Variants in PADI2 observed in about 807,000 individuals in gnomAD.
The protein encoded by PADI2 is protein-arginine deiminase type-2.
Under a neutral mutation model 81.1 loss-of-function variants are expected in PADI2, and 70 were observed. That is an observed-to-expected ratio of 0.86 (90% CI 0.71 to 1.05). PADI2 has a LOEUF of 1.05. Ranked by LOEUF, PADI2 falls within the 50% of genes least tolerant of loss-of-function variation. The probability of loss-of-function intolerance (pLI) is 0.00; values close to 1 mark genes in which losing one functional copy is unlikely to be tolerated. For missense variants in PADI2, 853 were observed against 889.9 expected (o/e 0.96, Z 0.53); for synonymous variants, 338 against 358.0 (o/e 0.94, Z 0.63).
intron 1 of PADI2, among the ~76,000 whole-genome samples, chr1:17,116,112 C>T (rs1002397266): frequency 1.3e-5 from 2 of 152,218 alleles, no homozygotes; most frequent in African/African-American, 2.4e-5. Flanking sequence ...GTTCTCTGAT[C>T]GACCCCCATT....
chr1:17,096,898 G>A (rs370359859), intron 3 of PADI2, among the ~76,000 whole-genome samples: 1 of 152,212 alleles, frequency 6.6e-6, no homozygotes, highest in African/African-American at 2.4e-5. Context: ...AACTCTTTGT[G>A]TGGGGGCAGC....
At chr1:17,089,586 G>T (rs1249076989) in intron 6 of PADI2, among the ~76,000 whole-genome samples, 1 of 152,168 alleles carries the variant, frequency 6.6e-6, no homozygotes, top group African/African-American at 2.4e-5. Context: ...CTCCCGATGT[G>T]GCCCGTGGCC....
chr1:17,072,449 G>T (rs972566059), intron 13 of PADI2, among the ~76,000 whole-genome samples: 4 of 152,156 alleles, frequency 2.6e-5, no homozygotes, highest in African/African-American at 9.7e-5. Flanking sequence ...TTTCTGGAGG[G>T]CAAGTCTGTA....
intron 13 of PADI2, among the ~76,000 whole-genome samples, chr1:17,073,108 G>A (rs2078275838): frequency 6.6e-6 from 1 of 152,118 alleles, no homozygotes; most frequent in Admixed American, 6.6e-5. Flanking sequence ...AACCTGAAAA[G>A]TGACAAAAGT....
chr1:17,071,408 G>C lies in PADI2; in HGVS notation c.1633C>G (p.Gln545Glu). 6.2e-7 allele frequency: 1 copy of C among 1,611,442 alleles called. No individual in the cohort carries two copies. The highest frequency in any genetic ancestry group is 1.1e-5 in the South Asian group (1 of 91,024). ...CTGCACCCCTGCCCTGCCCTCACCT[G>C]GAAGTACAGGTTCTCCTGCACAAGG... ...ESLVQENLYFQRCLDWNRDIL... is the reference protein window; with the variant it reads ...ESLVQENLYFERCLDWNRDIL... The change falls in exon 14 of 16, where the codon CAG (glutamine) becomes GAG (glutamate). Residue 545 changes from glutamine (Q) to glutamate (E), a missense_variant and splice_region_variant. Transcript: ENST00000375486.
rs753236677 is a variant in PADI2 at position 17,092,394 on chromosome 1, C to A, written c.655+14G>T. On this transcript the variant is annotated intron_variant, in intron 6 of 15. Transcript: ENST00000375486. Reference sequence around the variant, plus strand: ...CTAGAAAGGTCTAGGCTGGACTGGGCTGGGATCACTCACTCTCCACGTAGA... The same window carrying A: ...CTAGAAAGGTCTAGGCTGGACTGGGATGGGATCACTCACTCTCCACGTAGA... The A allele has an allele frequency of 1.3e-6, 2 of 1,594,756 alleles. No individual in the cohort carries two copies. Among genetic ancestry groups the A allele is most frequent in the African/African-American group, 2.7e-5 (2 of 73,222 alleles).
In PADI2 at chr1:17,119,300, G is replaced by T; in HGVS notation, c.72C>A (p.Tyr24Ter). 1 of 1,559,406 alleles carries T rather than the reference G, an allele frequency of 6.4e-7. No individual in the cohort carries two copies. Among genetic ancestry groups the T allele is most frequent in the Middle Eastern group, 1.7e-4 (1 of 5,980 alleles). ...CTCACCTGTAGACATCGGTCCAGAG[G>T]TAGGTGCCCAGCACGTACACCGCCT... Reference protein sequence around the residue: ...RVEAVYVLGTYLWTDVYSAAP... With the variant: ...RVEAVYVLGT Residue 24 changes from tyrosine to a stop codon, truncating the protein, a stop_gained, in exon 1 of 16, where the codon TAC (tyrosine) becomes TAA (stop). Transcript: ENST00000375486. LOFTEE classifies it high-confidence loss of function. This position sits in a 1 kb window ranked among gnomAD's most constrained non-coding sequence, Gnocchi z 4.8.
chr1:17,100,620 A>G (rs1569575527), intron 3 of PADI2, among the ~76,000 whole-genome samples: 1 of 144,828 alleles, frequency 6.9e-6, no homozygotes, highest in Non-Finnish European at 1.5e-5. Context: ...TGCCTTGCCT[A>G]TTTTTTAAGA....
intron 1 of PADI2, among the ~76,000 whole-genome samples, chr1:17,107,781 A>G (rs1370842526): frequency 6.6e-6 from 1 of 152,142 alleles, no homozygotes; most frequent in Non-Finnish European, 1.5e-5. Flanking sequence ...AGAATTGGGA[A>G]GGACTCGGCA....
Position 17,105,064 on chromosome 1 carries a change from G to A in PADI2, c.93-3C>T, listed in dbSNP as rs1931316459. On this transcript the variant is annotated splice_region_variant and splice_polypyrimidine_tract_variant and intron_variant, in intron 1 of 15. Coordinates refer to ENST00000375486, the MANE Select transcript of PADI2 (RefSeq NM_007365.3). ...TTTGGGCCCCGGCTGGGGCCGCGCT[G>A]TGGGGAGAGATGAGAGAGGGTTAGG... 1 of 1,559,150 alleles carries A rather than the reference G, an allele frequency of 6.4e-7. No homozygotes were observed. Among genetic ancestry groups the A allele is most frequent in the Non-Finnish European group, 8.7e-7 (1 of 1,146,014 alleles).
chr1:17,095,477 G>C (rs1254633371), intron 4 of PADI2, among the ~76,000 whole-genome samples: 1 of 152,150 alleles, frequency 6.6e-6, no homozygotes, highest in Non-Finnish European at 1.5e-5. Flanking sequence ...TAAATAGAAA[G>C]AGGAGAGGGG....
At chr1:17,085,001 T>G (rs971016102) in intron 7 of PADI2, among the ~76,000 whole-genome samples, 1 of 152,224 alleles carries the variant, frequency 6.6e-6, no homozygotes, top group Admixed American at 6.5e-5. Flanking sequence ...CTTGACCACA[T>G]GGTAGGCTTT....
Position 17,099,667 on chromosome 1 carries a change from A to T in PADI2, c.349+3320T>A, listed in dbSNP as rs1019433819. On this transcript the variant is annotated intron_variant, in intron 3 of 15. Coordinates refer to ENST00000375486, the MANE Select transcript of PADI2 (RefSeq NM_007365.3). ...CAGAAGGAAGAAGGAGAGACCATACATTTCTTTAACTTCACCCAGGCAGAG... is the reference window on the plus strand; with the variant it reads ...CAGAAGGAAGAAGGAGAGACCATACTTTTCTTTAACTTCACCCAGGCAGAG... 2.6e-5 allele frequency among the ~76,000 whole-genome samples: 4 copies of T among 152,294 alleles called. No homozygotes were observed. The South Asian group carries it at 8.3e-4, about 32-fold the overall frequency.
chr1:17,086,580 C>T lies in PADI2; in HGVS notation c.775G>A (p.Asp259Asn), dbSNP rs150731573. 1.8e-4 allele frequency: 293 copies of T among 1,614,012 alleles called. No homozygotes were observed. The African/African-American group carries it at 3.3e-3, about 18-fold the overall frequency. ...GAGACCAGGCCTGAGAAGCCCTCGT[C>T]GGGGAAACAGAGGCCTTCCACGAAG... ...LFFVEGLCFP[D>N]EGFSGLVSIH... The change falls in exon 7 of 16, where the codon GAC becomes AAC. Residue 259 changes from aspartate to asparagine, a missense_variant. Transcript: ENST00000375486.
At chr1:17,091,453 A>C (rs1326200614) in intron 6 of PADI2, among the ~76,000 whole-genome samples, 1 of 151,978 alleles carries the variant, frequency 6.6e-6, no homozygotes, top group Non-Finnish European at 1.5e-5. Context: ...CATTGCACTC[A>C]GAAGAAAATC....
At chr1:17,074,392 C>CAAAAA (rs71006417) in intron 13 of PADI2, among the ~76,000 whole-genome samples, 4 of 142,430 alleles carry the variant, frequency 2.8e-5, no homozygotes, top group Admixed American at 2.8e-4. Flanking sequence ...AACTCTGTCT[C>CAAAAA]AAAAAAAAAA....
chr1:17,082,165 G>A (rs1438509352), intron 10 of PADI2, among the ~76,000 whole-genome samples: 2 of 152,122 alleles, frequency 1.3e-5, no homozygotes, highest in African/African-American at 4.8e-5. Context: ...AAGTGCTGAT[G>A]AACTTGGAAG....
intron 2 of PADI2, among the ~76,000 whole-genome samples, chr1:17,103,987 AAAAC>A (rs1359434153): frequency 1.4e-5 from 2 of 142,054 alleles, no homozygotes; most frequent in African/African-American, 2.6e-5. Flanking sequence ...CTGTCTCTTA[AAAAC>A]AAACAAACAG....
In PADI2 at chr1:17,105,065, T is replaced by C. The variant is rs1279845857; in HGVS notation, c.93-4A>G. ...TTGGGCCCCGGCTGGGGCCGCGCTG[T>C]GGGGAGAGATGAGAGAGGGTTAGGG... is the stretch of plus-strand genomic sequence containing the variant. On this transcript the variant is annotated splice_region_variant and splice_polypyrimidine_tract_variant and intron_variant, in intron 1 of 15. Transcript: ENST00000375486. 3 of 1,552,634 alleles carry C rather than the reference T, an allele frequency of 1.9e-6. No homozygotes were observed. Among genetic ancestry groups the C allele is most frequent in the African/African-American group, 1.4e-5 (1 of 73,374 alleles).
Sources: gnomAD v4.1 joint callset for allele counts (sites outside exome capture counted in the v4.1 genomes callset) on GRCh38, gnomAD v4.1.1 for gene constraint, Gnocchi (gnomAD v3.1) non-coding constraint, MANE v1.5 for transcripts, NCBI Gene and HGNC (gene_info 2026-07-23, HGNC 2026-07-21) for gene names.